MEI4: variants seen among roughly 807,000 people sequenced by gnomAD.
The protein encoded by MEI4 is meiotic double-stranded break formation protein 4, also known as meiosis-specific protein MEI4.
Under a neutral mutation model 31.4 loss-of-function variants are expected in MEI4, and 27 were observed. The observed-to-expected ratio is 0.86, with a 90% CI of 0.63 to 1.19. MEI4 has a LOEUF of 1.19. Among genes scored for constraint, MEI4 ranks in the 50% most tolerant of loss-of-function variants. The pLI is 0.00. For missense variants in MEI4, 329 were observed against 398.9 expected, an observed-to-expected ratio of 0.82 and a Z score of 1.49; for synonymous variants, 122 against 145.4, an observed-to-expected ratio of 0.84 and a Z score of 1.16.
At chr6:77,780,431 C>G (rs1768563769) in intron 3 of MEI4, among the ~76,000 whole-genome samples, 1 of 152,120 alleles carries the variant, frequency 6.6e-6, no homozygotes, top group Non-Finnish European at 1.5e-5. Context: ...GCCAGCTAGT[C>G]AGGGCACGGC....
intron 2 of MEI4, among the ~76,000 whole-genome samples, chr6:77,729,854 G>A (rs1766926722): frequency 6.6e-6 from 1 of 152,118 alleles, no homozygotes; most frequent in Non-Finnish European, 1.5e-5. Context: ...TGGGTAAAAG[G>A]TATCAGTGCA....
chr6:77,921,216 T>C (rs1186385326), intron 4 of MEI4, among the ~76,000 whole-genome samples: 1 of 151,880 alleles, frequency 6.6e-6, no homozygotes, highest in Non-Finnish European at 1.5e-5. Context: ...CTGCAGCTTC[T>C]ATATCAGCAT....
chr6:77,728,698 A>G (rs577591488), intron 2 of MEI4, among the ~76,000 whole-genome samples: 1 of 152,260 alleles, frequency 6.6e-6, no homozygotes, highest in East Asian at 1.9e-4. Context: ...CTCCTGAAGG[A>G]GTGGAGCCAT....
chr6:77,876,691 A>T (rs1238895646), intron 4 of MEI4, among the ~76,000 whole-genome samples: 1 of 152,088 alleles, frequency 6.6e-6, no homozygotes, highest in Admixed American at 6.6e-5. Context: ...CTTCCCTTAA[A>T]TGCGGTGCAC....
intron 4 of MEI4, among the ~76,000 whole-genome samples, chr6:77,918,055 T>G (rs1344254342): frequency 6.6e-6 from 1 of 151,408 alleles, no homozygotes. Flanking sequence ...TTTTCTCAGG[T>G]TTGTCAAAGA....
intron 2 of MEI4, among the ~76,000 whole-genome samples, chr6:77,695,130 T>A (rs1187815123): frequency 6.6e-6 from 1 of 152,194 alleles, no homozygotes; most frequent in African/African-American, 2.4e-5. Flanking sequence ...GTCTTGTAAA[T>A]TTGTTTGAGT....
rs1349134367 is a variant in MEI4, at chr6:77,664,930, G to A, written c.-15+11838G>A. ...AGAAAATAAGGCATTTAGGTTTTAG[G>A]TCAGGTGTGAGTTGAAGAGGTTTTA... On this transcript the variant is annotated intron_variant, in intron 1 of 4. Coordinates refer to ENST00000684080, the MANE Select transcript of MEI4 (RefSeq NM_001322247.2). Among the ~76,000 whole-genome samples, 4 of 152,188 alleles carry A rather than the reference G, an allele frequency of 2.6e-5. No individual in the cohort carries two copies. In the East Asian group the frequency reaches 5.8e-4, roughly 22 times the overall value.
chr6:77,740,494 T>C (rs927932201), intron 2 of MEI4, among the ~76,000 whole-genome samples: 1 of 152,216 alleles, frequency 6.6e-6, no homozygotes, highest in Non-Finnish European at 1.5e-5. Flanking sequence ...ATAAAATATA[T>C]CCTTCTAGAG....
intron 4 of MEI4, among the ~76,000 whole-genome samples, chr6:77,892,014 C>A (rs894119159): frequency 1.3e-5 from 2 of 152,196 alleles, no homozygotes; most frequent in African/African-American, 2.4e-5. Context: ...TTTGCCAGTT[C>A]TCTGGCCCCC....
intron 4 of MEI4, among the ~76,000 whole-genome samples, chr6:77,850,191 G>A (rs1360042861): frequency 3.9e-5 from 6 of 152,032 alleles, no homozygotes; most frequent in African/African-American, 9.7e-5. Flanking sequence ...GTTGAATATC[G>A]TGAAAATGGC....
At chr6:77,907,995 T>TG (rs1310803832) in intron 4 of MEI4, among the ~76,000 whole-genome samples, 376 of 140,162 alleles carry the variant, frequency 2.7e-3, no homozygotes, top group Non-Finnish European at 4.8e-3. Context: ...TTGATGGGGT[T>TG]TTTTTTTTTT....
rs1421619943 is a variant in MEI4, at chr6:77,730,944, A to G, written c.233-30186A>G. On this transcript the variant is annotated intron_variant, in intron 2 of 4. Coordinates refer to ENST00000684080, the MANE Select transcript of MEI4 (RefSeq NM_001322247.2). ...TTTCCAATTTCATCCATGTCCCTAC[A>G]AAGGACATGAACCCATCATTTTTTA... Among the ~76,000 whole-genome samples, 3 of 151,806 alleles carry G rather than the reference A, an allele frequency of 2.0e-5. No homozygotes were observed. The East Asian group carries it at 5.8e-4, about 29-fold the overall frequency.
chr6:77,909,041 AG>A (rs1170968225), intron 4 of MEI4, among the ~76,000 whole-genome samples: 3 of 152,158 alleles, frequency 2.0e-5, no homozygotes, highest in African/African-American at 7.2e-5. Flanking sequence ...CCAAATCAAC[AG>A]CATATACATT....
At position 77,731,104 on chromosome 6, in the gene MEI4, T is replaced by G. The variant is rs1470301079; in HGVS notation, c.233-30026T>G. Among the ~76,000 whole-genome samples, 4 of 151,960 alleles carry G rather than the reference T, an allele frequency of 2.6e-5. No homozygotes were observed. In the East Asian group the frequency reaches 7.7e-4, roughly 29 times the overall value. Reference sequence around the variant, plus strand: ...AATAAACATATGTGTGCATGTGTCTTTATAGCAGCATGATTTATAATCCTT... The same window carrying G: ...AATAAACATATGTGTGCATGTGTCTGTATAGCAGCATGATTTATAATCCTT... On this transcript the variant is annotated intron_variant, in intron 2 of 4. Transcript: ENST00000684080.
At chr6:77,658,348 C>T (rs986317067) in intron 1 of MEI4, among the ~76,000 whole-genome samples, 1 of 152,156 alleles carries the variant, frequency 6.6e-6, no homozygotes, top group Non-Finnish European at 1.5e-5. Context: ...GGAATGTCAT[C>T]AGTTAAGGCT....
rs150447345 is a variant in MEI4 at position 77,748,079 on chromosome 6, C to G, written c.233-13051C>G. On this transcript the variant is annotated intron_variant, in intron 2 of 4. Coordinates refer to ENST00000684080, the MANE Select transcript of MEI4 (RefSeq NM_001322247.2). ...GGCAGCTCCGTCACAGGGTAGCATT[C>G]AGTGCCCATGGCTTTTCCAGGCACA... Among the ~76,000 whole-genome samples the G allele has an allele frequency of 1.4e-3, 216 of 152,306 alleles. 1 individual carries two copies. The highest frequency in any genetic ancestry group is 4.5e-3 in the African/African-American group (187 of 41,576).
At chr6:77,703,225 C>T (rs1408540587) in intron 2 of MEI4, among the ~76,000 whole-genome samples, 1 of 152,154 alleles carries the variant, frequency 6.6e-6, no homozygotes, top group Non-Finnish European at 1.5e-5. Context: ...AACAAAATGG[C>T]CTTGCCAATC....
intron 2 of MEI4, among the ~76,000 whole-genome samples, chr6:77,735,959 C>T (rs918815881): frequency 3.3e-5 from 5 of 151,922 alleles, no homozygotes; most frequent in Admixed American, 2.0e-4. Context: ...GGTCAGGGGT[C>T]AGGGACCCAC....
chr6:77,657,635 T>A (rs1768422089), intron 1 of MEI4, among the ~76,000 whole-genome samples: 1 of 152,100 alleles, frequency 6.6e-6, no homozygotes, highest in African/African-American at 2.4e-5. Context: ...GAAGGCTGCA[T>A]TGTTTTCCAG....
Sources: gnomAD v4.1 joint callset for allele counts (sites outside exome capture counted in the v4.1 genomes callset) on GRCh38, gnomAD v4.1.1 for gene constraint, MANE v1.5 for transcripts, NCBI Gene and HGNC (gene_info 2026-07-23, HGNC 2026-07-21) for gene names.